The following RPS7 variants were observed in gnomAD, a reference collection of about 807,000 sequenced individuals.
RPS7 encodes small ribosomal subunit protein eS7.
Under a neutral mutation model 22.1 loss-of-function variants are expected in RPS7, and 1 was observed. The ratio of observed to expected loss-of-function variants is 0.05; its 90% CI spans 0.02 to 0.21. The LOEUF is 0.21. Ranked by LOEUF, RPS7 falls within the 10% of genes least tolerant of loss-of-function variation. The pLI is 1.00. For synonymous variants in RPS7, 80 were observed against 92.0 expected (o/e 0.87, Z 0.74); for missense variants, 137 against 246.4 (o/e 0.56, Z 2.97).
intron 5 of RPS7, chr2:3,578,054 C>A: frequency 2.3e-6 from 1 of 431,552 alleles, no homozygotes; most frequent in Non-Finnish European, 4.2e-6. Flanking sequence ...AGAAGGAAAT[C>A]ATTACTTTAA....
intron 1 of RPS7, 24 bp downstream of exon 1, chr2:3,575,374 A>T: frequency 1.8e-6 from 1 of 560,638 alleles, no homozygotes; most frequent in South Asian, 2.1e-5. Context: ...CTGCTCTCCG[A>T]CAGAACTTTT....
chr2:3,576,495 A>C lies in RPS7; in HGVS notation c.156A>C (p.Glu52Asp), dbSNP rs1178926489. 9.9e-6 allele frequency: 16 copies of C among 1,613,902 alleles called. No individual in the cohort carries two copies. The highest frequency in any genetic ancestry group is 1.4e-5 in the Non-Finnish European group (16 of 1,179,808). The change falls in exon 4 of 7, where the codon GAA becomes GAC. Residue 52 changes from glutamate to aspartate, a missense_variant. Physicochemically the swap from Glu to Asp is conservative, Grantham distance 45. This residue lies in a region of RPS7 where 63 missense variants were observed against 75.0 expected (regional missense o/e 0.84). Transcript: ENST00000645674. ...TTTGTTTTTTTCTTTAGGAAATTGA[A>C]GTTGGTGGTGGTCGGAAAGCTATCA... is the stretch of plus-strand genomic sequence containing the variant. ...ELNITAAKEI[E>D]VGGGRKAIII...
rs1572357390 is a variant in RPS7, at chr2:3,575,278, C to T, written c.-91C>T. 2 of 412,618 alleles carry T rather than the reference C, an allele frequency of 4.8e-6. No individual in the cohort carries two copies. Among genetic ancestry groups the T allele is most frequent in the East Asian group, 5.2e-5 (1 of 19,362 alleles). 25.6% of individuals were successfully genotyped at this position (412,618 alleles called of 1,614,324 possible). Reference sequence around the variant, plus strand: ...CCTCCTCCTCGCGCTGTTTCCGCCTCTTGCCTTCGGACGCCGGATTTTGAC... The same window carrying T: ...CCTCCTCCTCGCGCTGTTTCCGCCTTTTGCCTTCGGACGCCGGATTTTGAC... On this transcript the variant is annotated 5_prime_UTR_variant, in exon 1 of 7. Transcript: ENST00000645674.
At chr2:3,580,305 G>T (rs201474049) in intron 6 of RPS7, 45 bp downstream of exon 6, 2 of 1,588,368 alleles carry the variant, frequency 1.3e-6, no homozygotes, top group Non-Finnish European at 1.7e-6. Flanking sequence ...GCCACAGTGA[G>T]AGTGGATTTT....
chr2:3,575,298 T>G lies in RPS7; in HGVS notation c.-71T>G. On this transcript the variant is annotated 5_prime_UTR_variant, in exon 1 of 7. The change creates a new upstream start codon in the 5' untranslated region. Coordinates refer to ENST00000645674, the MANE Select transcript of RPS7 (RefSeq NM_001011.4). ...CGCCTCTTGCCTTCGGACGCCGGAT[T>G]TTGACGTGCTCTCGCGAGATTTGGG... 1 of 439,318 alleles carries G rather than the reference T, an allele frequency of 2.3e-6. No individual in the cohort carries two copies. The highest frequency in any genetic ancestry group is 4.1e-6 in the Non-Finnish European group (1 of 244,294). 27.2% of individuals were successfully genotyped at this position (439,318 alleles called of 1,614,324 possible). A position where few individuals can be genotyped will look rare whatever the true frequency, so the allele number is the denominator to read the frequency against.
Position 3,576,534 on chromosome 2 carries a change from C to T in RPS7, c.195C>T (p.Pro65=), listed in dbSNP as rs745417795. 2 of 1,613,632 alleles carry T rather than the reference C, an allele frequency of 1.2e-6. No homozygotes were observed. The highest frequency in any genetic ancestry group is 1.3e-5 in the African/African-American group (1 of 74,888). Reference sequence around the variant, plus strand: ...GGAAAGCTATCATAATCTTTGTTCCCGTTCCTCAACTGAAATCTTTCCAGA... The same window carrying T: ...GGAAAGCTATCATAATCTTTGTTCCTGTTCCTCAACTGAAATCTTTCCAGA... ...GGRKAIIIFV[P]VPQLKSFQKI... is the part of the protein sequence containing the mutation. The change falls in exon 4 of 7, where the codon CCC becomes CCT. Residue 65 remains proline (P), a synonymous_variant. Transcript: ENST00000645674.
At chr2:3,577,604 A>G in intron 4 of RPS7, 106 bp from the exon 5 acceptor site, 1 of 830,996 alleles carries the variant, frequency 1.2e-6, no homozygotes, top group Admixed American at 2.0e-5. Context: ...CGAACTTTGA[A>G]CTTACCCTGC....
Position 3,580,165 on chromosome 2 carries a change from G to A in RPS7, c.412G>A (p.Glu138Lys). 1.2e-6 allele frequency: 2 copies of A among 1,613,442 alleles called. No individual in the cohort carries two copies. Among genetic ancestry groups the A allele is most frequent in the Non-Finnish European group, 1.7e-6 (2 of 1,179,696 alleles). The change falls in exon 6 of 7, where the codon GAA (glutamate) becomes AAA (lysine). Residue 138 changes from glutamate (E) to lysine (K), a missense_variant. By Grantham distance (56) the Glu-to-Lys change is moderately conservative. Coordinates refer to ENST00000645674, the MANE Select transcript of RPS7 (RefSeq NM_001011.4). Reference sequence around the variant, plus strand: ...CCTTGAGGACTTGGTCTTCCCAAGCGAAATTGTGGGCAAGAGAATCCGCGT... The same window carrying A: ...CCTTGAGGACTTGGTCTTCCCAAGCAAAATTGTGGGCAAGAGAATCCGCGT... ...AILEDLVFPS[E>K]IVGKRIRVKL...
rs918993830 is a variant in RPS7 at position 3,576,157 on chromosome 2, C to A, written c.147+269C>A. 10 of 595,878 alleles carry A rather than the reference C, an allele frequency of 1.7e-5. No homozygotes were observed. The South Asian group carries it at 1.8e-4, about 11-fold the overall frequency. The allele number at this position is 595,878 out of a possible 1,614,324, so 36.9% of individuals were successfully genotyped here. On this transcript the variant is annotated intron_variant, in intron 3 of 6. Coordinates refer to ENST00000645674, the MANE Select transcript of RPS7 (RefSeq NM_001011.4). ...GGGCCCATTTCGGACCTTATTTGCCCTTACTTAGTTATAGATACGGCAAAG... is the reference window on the plus strand; with the variant it reads ...GGGCCCATTTCGGACCTTATTTGCCATTACTTAGTTATAGATACGGCAAAG...
At chr2:3,575,460 G>A in intron 1 of RPS7, 110 bp downstream of exon 1, 1 of 674,320 alleles carries the variant, frequency 1.5e-6, no homozygotes, top group East Asian at 2.7e-5. Context: ...TGGGGATACA[G>A]CCGATTACCC....
intron 4 of RPS7, 125 bp from the exon 5 acceptor site, chr2:3,577,585 T>A (rs72767176): frequency 6.1e-5 from 44 of 716,356 alleles, no homozygotes; most frequent in Non-Finnish European, 8.8e-5. Context: ...CTAAGTTGTT[T>A]AGCCTTCTCG....
chr2:3,580,816 T>G lies in RPS7; in HGVS notation c.519T>G (p.Phe173Leu). The G allele has an allele frequency of 6.3e-7, 1 of 1,593,942 alleles. No individual in the cohort carries two copies. The highest frequency in any genetic ancestry group is 8.6e-7 in the Non-Finnish European group (1 of 1,163,732). ...TTCTTTTCTTGTAGGTTGAAACTTTTTCTGGTGTCTATAAGAAGCTCACGG... is the reference window on the plus strand; with the variant it reads ...TTCTTTTCTTGTAGGTTGAAACTTTGTCTGGTGTCTATAAGAAGCTCACGG... Reference protein sequence around the residue: ...QNNVEHKVETFSGVYKKLTGK... With the variant: ...QNNVEHKVETLSGVYKKLTGK... The change falls in exon 7 of 7, where the codon TTT (phenylalanine) becomes TTG (leucine). Residue 173 changes from phenylalanine to leucine, a missense_variant. Physicochemically the swap from Phe to Leu is conservative, Grantham distance 22 (BLOSUM62 0). Transcript: ENST00000645674.
chr2:3,580,615 G>A, intron 6 of RPS7, 190 bp from the exon 7 acceptor site: 1 of 637,924 alleles, frequency 1.6e-6, no homozygotes, highest in South Asian at 1.9e-5. Context: ...CCCCGGTGCA[G>A]TGGTGTACAG....
chr2:3,580,791 T>C lies in RPS7; in HGVS notation c.508-14T>C. ...ATTTCAAAGTTCTGTGATGAATTCT[T>C]TCTTTTCTTGTAGGTTGAAACTTTT... is the stretch of plus-strand genomic sequence containing the variant. On this transcript the variant is annotated splice_polypyrimidine_tract_variant and intron_variant, in intron 6 of 6. Coordinates refer to ENST00000645674, the MANE Select transcript of RPS7 (RefSeq NM_001011.4). 1 of 1,531,984 alleles carries C rather than the reference T, an allele frequency of 6.5e-7. No individual in the cohort carries two copies. Among genetic ancestry groups the C allele is most frequent in the Non-Finnish European group, 9.0e-7 (1 of 1,107,098 alleles). The allele number at this position is 1,531,984 out of a possible 1,614,324, so 94.9% of individuals were successfully genotyped here. A position where few individuals can be genotyped will look rare whatever the true frequency, so the allele number is the denominator to read the frequency against.
chr2:3,580,555 C>G (rs748965788), intron 6 of RPS7: 5 of 622,894 alleles, frequency 8.0e-6, no homozygotes, highest in Non-Finnish European at 1.4e-5. Context: ...GGATCAGTGT[C>G]TTGGGGGGAC....
At chr2:3,576,053 G>A (rs980694691) in intron 3 of RPS7, 165 bp downstream of exon 3, 2 of 673,184 alleles carry the variant, frequency 3.0e-6, no homozygotes, top group Admixed American at 4.3e-5. Flanking sequence ...GCCCAGGTGC[G>A]GGGAGTGGGG....
intron 2 of RPS7, 47 bp from the exon 3 acceptor site, chr2:3,575,770 G>T (rs370153990): frequency 1.3e-6 from 2 of 1,596,606 alleles, no homozygotes; most frequent in African/African-American, 1.3e-5. Context: ...GGCCCGGGGT[G>T]CTCGGACGCG....
Position 3,575,316 on chromosome 2 carries a change from G to T in RPS7, c.-53G>T, listed in dbSNP as rs1391384012. 4.1e-6 allele frequency: 2 copies of T among 485,018 alleles called. No homozygotes were observed. The highest frequency in any genetic ancestry group is 7.4e-6 in the Non-Finnish European group (2 of 271,372). 30.0% of individuals were successfully genotyped at this position (485,018 alleles called of 1,614,324 possible). Reference sequence around the variant, plus strand: ...GCCGGATTTTGACGTGCTCTCGCGAGATTTGGGTCTCTTCCTAAGCCGGCG... The same window carrying T: ...GCCGGATTTTGACGTGCTCTCGCGATATTTGGGTCTCTTCCTAAGCCGGCG... On this transcript the variant is annotated 5_prime_UTR_variant, in exon 1 of 7. Coordinates refer to ENST00000645674, the MANE Select transcript of RPS7 (RefSeq NM_001011.4).
chr2:3,576,928 G>A (rs1558472621), intron 4 of RPS7: 8 of 402,522 alleles, frequency 2.0e-5, no homozygotes, highest in Admixed American at 7.6e-5. Flanking sequence ...ATTAAGAGTC[G>A]AAACAAGAAG....
Sources: gnomAD v4.1 joint callset for allele counts on GRCh38, gnomAD v4.1.1 for gene constraint, gnomAD v4.1.1 regional missense constraint, MANE v1.5 for transcripts, NCBI Gene and HGNC (gene_info 2026-07-23, HGNC 2026-07-21) for gene names.